The following CALN1 variants were observed in gnomAD, a reference collection of about 807,000 sequenced individuals.
The protein encoded by CALN1 is calneuron 1.
A neutral mutation model predicts 30.6 loss-of-function variants in CALN1; 17 were observed. That is an observed-to-expected ratio of 0.56 (90% CI 0.38 to 0.83). CALN1 has a LOEUF of 0.83. CALN1 is among the 40% of genes least tolerant of loss of function. CALN1 has a pLI of 0.00. For synonymous variants in CALN1, 156 were observed against 131.4 expected, an observed-to-expected ratio of 1.19 and a Z score of -1.28; for missense variants, 291 against 354.9, an observed-to-expected ratio of 0.82 and a Z score of 1.45.
intron 6 of CALN1, among the ~76,000 whole-genome samples, chr7:71,798,089 CAGAGAGAGAGACAGAG>C (rs57258889): frequency 0.086 from 7,793 of 90,248 alleles, 562 homozygotes; most frequent in East Asian, 0.26. Flanking sequence ...CAGAGAGAGA[CAGAGAGAGAGACAGAG>C]AGAGACAGAG....
intron 2 of CALN1, among the ~76,000 whole-genome samples, chr7:72,303,572 G>T (rs200569675): frequency 1.5e-5 from 2 of 137,762 alleles, no homozygotes; most frequent in Non-Finnish European, 3.2e-5. Flanking sequence ...AAAAGAAAAA[G>T]AAAAAAAAAA....
At chr7:71,820,580 G>T (rs1360497005) in intron 5 of CALN1, among the ~76,000 whole-genome samples, 2 of 152,316 alleles carry the variant, frequency 1.3e-5, no homozygotes, top group Middle Eastern at 3.4e-3. Flanking sequence ...TGTCTGCTAT[G>T]GATGTAGGTG....
chr7:72,396,895 T>G (rs1805999221), intron 2 of CALN1, among the ~76,000 whole-genome samples: 1 of 152,052 alleles, frequency 6.6e-6, no homozygotes, highest in Non-Finnish European at 1.5e-5. Flanking sequence ...TAGAATCTTT[T>G]AGTAGTAGTA....
chr7:72,243,934 C>T (rs1795000989), intron 3 of CALN1, among the ~76,000 whole-genome samples: 1 of 152,140 alleles, frequency 6.6e-6, no homozygotes, highest in Non-Finnish European at 1.5e-5. Context: ...TCAAGGTCAC[C>T]ATGAATGCCG....
chr7:72,042,273 C>T (rs1003108994), intron 4 of CALN1, among the ~76,000 whole-genome samples: 1 of 152,142 alleles, frequency 6.6e-6, no homozygotes, highest in African/African-American at 2.4e-5. Context: ...TACAAGTCCT[C>T]CCAAGACTGA....
chr7:72,026,809 T>C (rs1221453777), intron 4 of CALN1, among the ~76,000 whole-genome samples: 1 of 152,196 alleles, frequency 6.6e-6, no homozygotes, highest in Non-Finnish European at 1.5e-5. Context: ...AACTGGTATT[T>C]GTAAAAGTGA....
chr7:72,198,949 A>G (rs1192944608), intron 3 of CALN1, among the ~76,000 whole-genome samples: 2 of 152,094 alleles, frequency 1.3e-5, no homozygotes, highest in African/African-American at 4.8e-5. Context: ...GGATCTGTCC[A>G]GAACCATCTG....
At chr7:72,211,892 T>G (rs1792423278) in intron 3 of CALN1, among the ~76,000 whole-genome samples, 2 of 152,100 alleles carry the variant, frequency 1.3e-5, no homozygotes. Flanking sequence ...AAGATGATGA[T>G]AGAGAGCTCT....
At chr7:72,306,376 GTC>G (rs1273884505) in intron 2 of CALN1, among the ~76,000 whole-genome samples, 2 of 152,108 alleles carry the variant, frequency 1.3e-5, no homozygotes, top group Non-Finnish European at 2.9e-5. Flanking sequence ...CTATCTATCT[GTC>G]TCTAACGGCA....
chr7:72,164,349 CAAAAAA>C (rs71531792), intron 3 of CALN1, among the ~76,000 whole-genome samples: 2 of 117,430 alleles, frequency 1.7e-5, no homozygotes, highest in South Asian at 6.0e-4. Context: ...AACACTCCGT[CAAAAAA>C]AAAAAAAAAA....
intron 4 of CALN1, among the ~76,000 whole-genome samples, chr7:72,075,717 C>G (rs551123057): frequency 1.3e-5 from 2 of 152,312 alleles, no homozygotes; most frequent in African/African-American, 4.8e-5. Flanking sequence ...CCCTGTGACA[C>G]TGGTGGCTTC....
intron 2 of CALN1, among the ~76,000 whole-genome samples, chr7:72,289,630 A>T (rs1585375196): frequency 6.6e-6 from 1 of 152,212 alleles, no homozygotes; most frequent in African/African-American, 2.4e-5. Context: ...GTATACCAGC[A>T]TACCACCATG....
intron 5 of CALN1, among the ~76,000 whole-genome samples, chr7:71,976,772 A>C (rs1032981275): frequency 1.3e-5 from 2 of 152,220 alleles, no homozygotes; most frequent in African/African-American, 4.8e-5. Context: ...GAGATAAAAG[A>C]ACTGACTGAA....
At chr7:72,052,912 GCTCACGCCTGT>G (rs1303230681) in intron 4 of CALN1, among the ~76,000 whole-genome samples, 3 of 141,258 alleles carry the variant, frequency 2.1e-5, no homozygotes, top group African/African-American at 7.4e-5. Flanking sequence ...AGGTGTGGTG[GCTCACGCCTGT>G]AATCCCAGCA....
chr7:72,046,215 A>G (rs1563006936), intron 4 of CALN1, among the ~76,000 whole-genome samples: 2 of 151,938 alleles, frequency 1.3e-5, no homozygotes, highest in Admixed American at 6.6e-5. Context: ...CAGAAAGCTG[A>G]GGTGGAAGCC....
chr7:72,065,999 G>C (rs559787056), intron 4 of CALN1, among the ~76,000 whole-genome samples: 1 of 152,314 alleles, frequency 6.6e-6, no homozygotes, highest in South Asian at 2.1e-4. Context: ...AGTAAAATTC[G>C]CATTATTGAT....
intron 2 of CALN1, among the ~76,000 whole-genome samples, chr7:72,368,367 G>A (rs529515795): frequency 6.6e-6 from 1 of 151,856 alleles, no homozygotes; most frequent in Admixed American, 6.6e-5. Context: ...TACATGCACA[G>A]AAAGCACATA....
chr7:72,225,241 G>A (rs1793588770), intron 3 of CALN1, among the ~76,000 whole-genome samples: 1 of 151,948 alleles, frequency 6.6e-6, no homozygotes, highest in African/African-American at 2.4e-5. Flanking sequence ...TCTTCCTCAG[G>A]GAAGCTTCCT....
At chr7:72,077,674 T>C (rs1804844078) in intron 4 of CALN1, among the ~76,000 whole-genome samples, 1 of 152,210 alleles carries the variant, frequency 6.6e-6, no homozygotes, top group Non-Finnish European at 1.5e-5. Flanking sequence ...TGTGTATATG[T>C]GTTTGCAAAC....
Sources: allele counts gnomAD v4.1 joint callset (sites outside exome capture counted in the v4.1 genomes callset), GRCh38; gene constraint gnomAD v4.1.1; transcripts MANE v1.5; gene names NCBI Gene and HGNC (gene_info 2026-07-23, HGNC 2026-07-21).